The following UNC13C variants were observed in gnomAD, a reference collection of about 807,000 sequenced individuals.
The protein encoded by UNC13C is protein unc-13 homolog C.
In UNC13C, 174 loss-of-function variants were observed where a neutral mutation model predicts 245.4. The observed-to-expected ratio is 0.71, with a 90% CI of 0.63 to 0.80. UNC13C has a LOEUF of 0.80. Among genes scored for constraint, UNC13C ranks in the 30% least tolerant of loss-of-function variants. The probability of loss-of-function intolerance (pLI) is 0.00; values close to 1 mark genes in which losing one functional copy is unlikely to be tolerated. For synonymous variants in UNC13C, 992 were observed against 895.1 expected (o/e 1.11, Z -1.93); for missense variants, 2,829 against 2,602.9 (o/e 1.09, Z -1.89).
At chr15:54,318,718 C>G (rs777009450) in intron 13 of UNC13C, among the ~76,000 whole-genome samples, 3 of 151,856 alleles carry the variant, frequency 2.0e-5, no homozygotes, top group Non-Finnish European at 4.4e-5. Context: ...TCTCTTCACT[C>G]TCTTGAGTTT....
At chr15:54,142,572 C>T (rs2032072183) in intron 2 of UNC13C, among the ~76,000 whole-genome samples, 1 of 152,160 alleles carries the variant, frequency 6.6e-6, no homozygotes, top group Non-Finnish European at 1.5e-5. Flanking sequence ...GGTTTACTTT[C>T]CCAAATACTG....
At chr15:54,343,749 CTACCCCAA>C (rs2038793163) in intron 17 of UNC13C, among the ~76,000 whole-genome samples, 1 of 152,130 alleles carries the variant, frequency 6.6e-6, no homozygotes, top group East Asian at 1.9e-4. Context: ...CACAGGAAGG[CTACCCCAA>C]TAGGATTTTA....
chr15:54,139,928 C>G (rs1382421906), intron 2 of UNC13C, among the ~76,000 whole-genome samples: 1 of 152,106 alleles, frequency 6.6e-6, no homozygotes, highest in Admixed American at 6.5e-5. Flanking sequence ...TGTCCAAGCA[C>G]CATTTACTGA....
At chr15:54,091,349 G>A (rs554835706) in intron 2 of UNC13C, among the ~76,000 whole-genome samples, 1 of 152,080 alleles carries the variant, frequency 6.6e-6, no homozygotes, top group African/African-American at 2.4e-5. Context: ...TTCTTTTCTT[G>A]ACTCTTTTCC....
At chr15:54,244,921 T>C (rs2035952894) in intron 7 of UNC13C, among the ~76,000 whole-genome samples, 1 of 152,208 alleles carries the variant, frequency 6.6e-6, no homozygotes, top group Non-Finnish European at 1.5e-5. Context: ...CAAAAATAAT[T>C]TGACTTCCTC....
At chr15:54,315,057 G>A (rs12916554) in intron 13 of UNC13C, among the ~76,000 whole-genome samples, 12,873 of 151,546 alleles carry the variant, frequency 0.085, 645 homozygotes, top group Admixed American at 0.13. Context: ...TGCTTCCACT[G>A]CCGACTCATT....
chr15:53,877,647 G>C, the UNC13C span, among the ~76,000 whole-genome samples: 1 of 152,020 alleles, frequency 6.6e-6, no homozygotes, highest in South Asian at 2.1e-4. Flanking sequence ...GAGAAGAAGG[G>C]AAAGTTGACC....
chr15:54,317,249 A>T (rs1281112415), intron 13 of UNC13C, among the ~76,000 whole-genome samples: 1 of 151,976 alleles, frequency 6.6e-6, no homozygotes, highest in East Asian at 1.9e-4. Context: ...TGAATAACAT[A>T]TGTTAGCACT....
intron 4 of UNC13C, among the ~76,000 whole-genome samples, chr15:54,188,695 G>A (rs1459556834): frequency 6.6e-6 from 1 of 152,108 alleles, no homozygotes; most frequent in African/African-American, 2.4e-5. Flanking sequence ...TTAAGCATCT[G>A]TTATGTGTCA....
At chr15:54,060,991 G>A (rs959003666) in intron 2 of UNC13C, among the ~76,000 whole-genome samples, 1 of 152,014 alleles carries the variant, frequency 6.6e-6, no homozygotes, top group African/African-American at 2.4e-5. Context: ...AGGGGAGGGA[G>A]AGCATTAGGA....
intron 28 of UNC13C, among the ~76,000 whole-genome samples, chr15:54,552,659 T>A (rs1268494668): frequency 1.2e-5 from 1 of 81,330 alleles, no homozygotes; most frequent in Non-Finnish European, 2.0e-5. Context: ...TATAATTATA[T>A]TATATTGTAC....
chr15:54,004,933 A>T (rs1325801430), intron 1 of UNC13C, among the ~76,000 whole-genome samples: 2 of 152,104 alleles, frequency 1.3e-5, no homozygotes, highest in East Asian at 1.9e-4. Context: ...GGTAGTTTGC[A>T]AATATTTTCT....
At chr15:53,949,416 G>A in the UNC13C span, among the ~76,000 whole-genome samples, 4 of 152,174 alleles carry the variant, frequency 2.6e-5, no homozygotes, top group South Asian at 6.2e-4. Flanking sequence ...GTTCTATGAT[G>A]TCTGTTATTT....
intron 2 of UNC13C, among the ~76,000 whole-genome samples, chr15:54,041,918 G>A (rs1383521244): frequency 1.3e-5 from 2 of 152,164 alleles, no homozygotes; most frequent in Non-Finnish European, 2.9e-5. Flanking sequence ...TGATGAAGAG[G>A]ATTAGTTGAT....
the UNC13C span, among the ~76,000 whole-genome samples, chr15:53,971,074 C>T: frequency 0.45 from 67,624 of 151,938 alleles, 15,422 homozygotes; most frequent in East Asian, 0.56. Flanking sequence ...GAAGTAATAT[C>T]GTGGTTTTGA....
the UNC13C span, among the ~76,000 whole-genome samples, chr15:53,845,635 T>A: frequency 6.6e-6 from 1 of 152,234 alleles, no homozygotes; most frequent in Non-Finnish European, 1.5e-5. Flanking sequence ...AATATAATTA[T>A]AACTACTTAT....
At chr15:54,080,764 A>G (rs1049165199) in intron 2 of UNC13C, among the ~76,000 whole-genome samples, 1 of 151,946 alleles carries the variant, frequency 6.6e-6, no homozygotes, top group Admixed American at 6.6e-5. Context: ...CTTTCAAATA[A>G]CCAACTTTTT....
intron 4 of UNC13C, among the ~76,000 whole-genome samples, chr15:54,234,210 T>C (rs2035627657): frequency 6.7e-6 from 1 of 149,366 alleles, no homozygotes; most frequent in East Asian, 1.9e-4. Flanking sequence ...CATAAACATA[T>C]ATATATAAGT....
intron 19 of UNC13C, among the ~76,000 whole-genome samples, chr15:54,441,617 A>C (rs1035976956): frequency 3.3e-5 from 5 of 152,112 alleles, no homozygotes; most frequent in Admixed American, 2.0e-4. Flanking sequence ...TTTTGAAGTC[A>C]GATACTCTGA....
Sources: gnomAD v4.1 joint callset for allele counts (sites outside exome capture counted in the v4.1 genomes callset) on GRCh38, gnomAD v4.1.1 for gene constraint, MANE v1.5 for transcripts, NCBI Gene and HGNC (gene_info 2026-07-23, HGNC 2026-07-21) for gene names.